SCN8A: variants seen among roughly 807,000 people sequenced by gnomAD.
The protein encoded by SCN8A is sodium voltage-gated channel alpha subunit 8.
In SCN8A, 30 loss-of-function variants were observed where a neutral mutation model predicts 184.1. The ratio of observed to expected loss-of-function variants is 0.16; its 90% CI spans 0.12 to 0.22. The LOEUF (loss-of-function observed/expected upper bound fraction) is 0.22, where lower values mean the gene tolerates loss of function less well. Ranked by LOEUF, SCN8A falls within the 10% of genes least tolerant of loss-of-function variation. SCN8A has a pLI of 1.00. For missense variants in SCN8A, 1,057 were observed against 2,498.9 expected (o/e 0.42, Z 12.30); for synonymous variants, 852 against 907.0 (o/e 0.94, Z 1.09).
chr12:51,731,735 A>G (rs1268804261), intron 12 of SCN8A, among the ~76,000 whole-genome samples: 1 of 151,828 alleles, frequency 6.6e-6, no homozygotes, highest in Non-Finnish European at 1.5e-5. Flanking sequence ...AGCATTTATT[A>G]TTGCCTATCT....
intron 26 of SCN8A, among the ~76,000 whole-genome samples, chr12:51,802,325 G>A (rs1938577565): frequency 6.6e-6 from 1 of 152,154 alleles, no homozygotes; most frequent in Admixed American, 6.5e-5. Context: ...CACCACTGGG[G>A]GTGAGGAGGC....
At chr12:51,642,022 A>C (rs979270133) in intron 1 of SCN8A, among the ~76,000 whole-genome samples, 158 of 152,282 alleles carry the variant, frequency 1.0e-3, no homozygotes, top group African/African-American at 3.5e-3. Flanking sequence ...TTTTGCCCGC[A>C]TTGTATACTA....
chr12:51,698,277 G>T (rs752050942), intron 6 of SCN8A, among the ~76,000 whole-genome samples: 1 of 152,158 alleles, frequency 6.6e-6, no homozygotes, highest in African/African-American at 2.4e-5. Context: ...GGCGTATTGC[G>T]TAAGTCAGAC....
At chr12:51,630,439 T>C (rs950029082) in intron 1 of SCN8A, among the ~76,000 whole-genome samples, 1 of 152,144 alleles carries the variant, frequency 6.6e-6, no homozygotes, top group African/African-American at 2.4e-5. Context: ...GCATGTGTCA[T>C]GATTTCCTTC....
chr12:51,614,934 A>G (rs1004876412), intron 1 of SCN8A, among the ~76,000 whole-genome samples: 16 of 152,076 alleles, frequency 1.1e-4, no homozygotes, highest in East Asian at 3.8e-4. Context: ...TATATGTTCA[A>G]TGTTGTACAG....
intron 3 of SCN8A, among the ~76,000 whole-genome samples, chr12:51,686,031 G>A (rs1214918511): frequency 2.0e-5 from 3 of 152,164 alleles, no homozygotes; most frequent in African/African-American, 7.2e-5. Context: ...AAGTGCAAAG[G>A]TATTATACTA....
At chr12:51,622,478 T>TA (rs1247362514) in intron 1 of SCN8A, among the ~76,000 whole-genome samples, 1 of 152,144 alleles carries the variant, frequency 6.6e-6, no homozygotes, top group Non-Finnish European at 1.5e-5. Context: ...ATAACCTTGG[T>TA]AGGTTTGAGG....
intron 24 of SCN8A, among the ~76,000 whole-genome samples, chr12:51,790,082 A>C (rs952121387): frequency 4.6e-5 from 7 of 152,222 alleles, no homozygotes; most frequent in African/African-American, 1.2e-4. Context: ...TGGCCCCCAG[A>C]AAATGAGACT....
chr12:51,730,671 C>T (rs1328590819), intron 12 of SCN8A, among the ~76,000 whole-genome samples: 1 of 152,060 alleles, frequency 6.6e-6, no homozygotes, highest in East Asian at 1.9e-4. Flanking sequence ...ATGGGATATC[C>T]ATCCCCTCAA....
chr12:51,762,770 T>C lies in SCN8A; in HGVS notation c.2544+94T>C. 3.5e-6 allele frequency: 4 copies of C among 1,150,430 alleles called. No individual in the cohort carries two copies. The South Asian group carries it at 6.3e-5, about 18-fold the overall frequency. 71.3% of individuals were successfully genotyped at this position (1,150,430 alleles called of 1,614,324 possible). A position where few individuals can be genotyped will look rare whatever the true frequency, so the allele number is the denominator to read the frequency against. ...AATTAATTTGATGATTTAAAAAATA[T>C]ATTAGCTGTATTTTACTCCCAATTC... is the stretch of plus-strand genomic sequence containing the variant. On this transcript the variant is annotated intron_variant, in intron 15 of 26. Coordinates refer to ENST00000627620, the MANE Select transcript of SCN8A (RefSeq NM_001330260.2).
In SCN8A at chr12:51,769,988, G is replaced by GA. The variant is rs1942899581; in HGVS notation, c.3490+6dup. 4.5e-6 allele frequency: 7 copies of GA among 1,570,876 alleles called. No homozygotes were observed. The highest frequency in any genetic ancestry group is 6.1e-6 in the Non-Finnish European group (7 of 1,152,772). On this transcript the variant is annotated splice_donor_region_variant and intron_variant, in intron 18 of 26. Transcript: ENST00000627620. Reference sequence around the variant, plus strand: ...TCCAGATGCCTGCTTCACAGAAGGTGAAAGGGGATGAGGAGCGGATGGGCT... The same window carrying GA: ...TCCAGATGCCTGCTTCACAGAAGGTGAAAAGGGGATGAGGAGCGGATGGGCT...
At chr12:51,778,573 T>A (rs749047371) in intron 20 of SCN8A, among the ~76,000 whole-genome samples, 58 of 152,254 alleles carry the variant, frequency 3.8e-4, no homozygotes, top group Non-Finnish European at 6.9e-4. Flanking sequence ...TGTTTTTAAA[T>A]CGAAACCTTT....
intron 5 of SCN8A, 58 bp downstream of exon 5, chr12:51,687,277 ACTC>A: frequency 6.3e-7 from 1 of 1,595,994 alleles, no homozygotes; most frequent in South Asian, 1.1e-5. Context: ...GTGGAGTTGT[ACTC>A]CTGGGTCTGT....
Position 51,751,560 on chromosome 12 carries a change from A to G in SCN8A, c.2337A>G (p.Pro779=), listed in dbSNP as rs775023944. 30 of 1,613,720 alleles carry G rather than the reference A, an allele frequency of 1.9e-5. No homozygotes were observed. The highest frequency in any genetic ancestry group is 2.5e-5 in the Non-Finnish European group (30 of 1,179,702). The change falls in exon 14 of 27, where the codon CCA becomes CCG. Residue 779 remains proline, a synonymous_variant. Transcript: ENST00000627620. The part of the protein sequence containing the change: ...FMAMEHHPMT[P]QFEHVLAVGN... ...CAATGGAGCACCATCCTATGACACC[A>G]CAATTTGAACATGTCTTGGCTGTAG... is the stretch of plus-strand genomic sequence containing the variant.
intron 1 of SCN8A, among the ~76,000 whole-genome samples, chr12:51,656,806 A>G (rs772875435): frequency 1.2e-4 from 18 of 152,092 alleles, no homozygotes; most frequent in Admixed American, 5.9e-4. Flanking sequence ...CTTTACACCC[A>G]TTAGGATGGC....
chr12:51,591,575 G>C (rs902585514), intron 1 of SCN8A, among the ~76,000 whole-genome samples: 4 of 152,262 alleles, frequency 2.6e-5, no homozygotes, highest in Middle Eastern at 6.8e-3. Flanking sequence ...TGTGTACCGG[G>C]GGTCTCTTAA....
In SCN8A at chr12:51,769,066, G is replaced by A. The variant is rs571608674; in HGVS notation, c.3103G>A (p.Asp1035Asn). 1.1e-5 allele frequency: 18 copies of A among 1,613,968 alleles called. No homozygotes were observed. The South Asian group carries it at 1.9e-4, about 17-fold the overall frequency. Reference protein sequence around the residue: ...QREADEVKPLDELYEKKANCI... With the variant: ...QREADEVKPLNELYEKKANCI... ...TGAGGCTGATGAGGTGAAGCCTCTG[G>A]ATGAGTTGTATGAAAAGAAGGCCAA... is the stretch of plus-strand genomic sequence containing the variant. Residue 1035 changes from aspartate (D) to asparagine (N), a missense_variant, in exon 17 of 27, where the codon GAT becomes AAT. Physicochemically the swap from Asp to Asn is conservative, Grantham distance 23 (BLOSUM62 1). This residue lies in a region of SCN8A where 178 missense variants were observed against 259.6 expected (regional missense o/e 0.69). Transcript: ENST00000627620.
At chr12:51,776,501 A>T (rs564530697) in intron 20 of SCN8A, among the ~76,000 whole-genome samples, 1 of 152,366 alleles carries the variant, frequency 6.6e-6, no homozygotes. Flanking sequence ...TCCAGAAGCA[A>T]TAAGGAGAAA....
intron 1 of SCN8A, among the ~76,000 whole-genome samples, chr12:51,645,131 C>T (rs1426113714): frequency 6.7e-6 from 1 of 150,220 alleles, no homozygotes; most frequent in East Asian, 2.0e-4. Context: ...TGAGGGGCGC[C>T]TCTGCCCGGC....
Sources: gnomAD v4.1 joint callset for allele counts (sites outside exome capture counted in the v4.1 genomes callset) on GRCh38, gnomAD v4.1.1 for gene constraint, gnomAD v4.1.1 regional missense constraint, MANE v1.5 for transcripts, NCBI Gene and HGNC (gene_info 2026-07-23, HGNC 2026-07-21) for gene names.